Variants in OPA3 observed in about 807,000 individuals in gnomAD.
OPA3 encodes the protein outer mitochondrial membrane lipid metabolism regulator OPA3.
OPA3 carries 6 observed loss-of-function variants against 4.0 expected under a neutral mutation model. That is an observed-to-expected ratio of 1.51 (90% CI 0.83 to 2.99). The LOEUF is 2.99. Among genes scored for constraint, OPA3 ranks in the 30% most tolerant of loss-of-function variants. OPA3 has a pLI of 0.00. For missense variants in OPA3, 235 were observed against 256.2 expected (o/e 0.92, Z 0.56); for synonymous variants, 105 against 117.1 (o/e 0.90, Z 0.67).
intron 1 of OPA3, among the ~76,000 whole-genome samples, chr19:45,559,114 C>A (rs992766005): frequency 6.6e-6 from 1 of 152,194 alleles, no homozygotes; most frequent in East Asian, 1.9e-4. Flanking sequence ...AAACTCCTGA[C>A]CTCAAGTGAT....
At position 45,539,389 on chromosome 19, in the gene OPA3, C is replaced by A. The variant is rs1051495420; in HGVS notation, c.143-9933G>T. On this transcript the variant is annotated intron_variant, in intron 1 of 1. Transcript: ENST00000323060. ...TACTCATCGCTTGAACCCAGGAGTT[C>A]AAGACCAACCTGGGCAACATGGCGA... Among the ~76,000 whole-genome samples, 11 of 152,278 alleles carry A rather than the reference C, an allele frequency of 7.2e-5. 1 individual carries two copies. Among genetic ancestry groups the A allele is most frequent in the Admixed American group, 5.9e-4 (9 of 15,290 alleles).
At chr19:45,581,122 G>C (rs185232158) in intron 1 of OPA3, among the ~76,000 whole-genome samples, 2 of 152,032 alleles carry the variant, frequency 1.3e-5, no homozygotes, top group African/African-American at 4.8e-5. Context: ...TCCTCTTTCC[G>C]GACATGGGGA....
intron 1 of OPA3, among the ~76,000 whole-genome samples, chr19:45,579,889 G>A (rs905644853): frequency 6.6e-6 from 1 of 151,866 alleles, no homozygotes; most frequent in Non-Finnish European, 1.5e-5. Flanking sequence ...GTACAGAATC[G>A]GAAATTGAAG....
rs1405425006 is a variant in OPA3 at position 45,550,106 on chromosome 19, C to T, written c.*3408G>A. 4.3e-6 allele frequency: 3 copies of T among 698,218 alleles called. No individual in the cohort carries two copies. The highest frequency in any genetic ancestry group is 3.5e-6 in the Non-Finnish European group (2 of 568,160). 43.3% of individuals were successfully genotyped at this position (698,218 alleles called of 1,614,324 possible). A position where few individuals can be genotyped will look rare whatever the true frequency, so the allele number is the denominator to read the frequency against. On this transcript the variant is annotated 3_prime_UTR_variant, in exon 2 of 2. Transcript: ENST00000263275. ...CTGGGAGGTAGAAGTTGCAGTGAGC[C>T]GAGATTGCACCACTGCACTCCGTCA...
In OPA3 at chr19:45,548,661, ATTTTTTTTT is replaced by A; in HGVS notation, c.*4844_*4852del. On this transcript the variant is annotated 3_prime_UTR_variant, in exon 2 of 2. Transcript: ENST00000263275. The stretch of plus-strand genomic sequence containing the variant: ...GTGAGTTTTGTGTTTTATTTTTTTT[ATTTTTTTTT>A]TTTTTGCGGGAGACGCCCTACCAAG... The A allele has an allele frequency of 2.3e-6, 2 of 877,676 alleles. No homozygotes were observed. The highest frequency in any genetic ancestry group is 2.7e-6 in the Non-Finnish European group (2 of 734,644). 54.4% of individuals were successfully genotyped at this position (877,676 alleles called of 1,614,324 possible). A position where few individuals can be genotyped will look rare whatever the true frequency, so the allele number is the denominator to read the frequency against.
At chr19:45,539,278 G>T (rs1474530305) in intron 1 of OPA3, among the ~76,000 whole-genome samples, 3 of 152,074 alleles carry the variant, frequency 2.0e-5, no homozygotes, top group Non-Finnish European at 4.4e-5. Flanking sequence ...AGCCACTTTG[G>T]AAAGTAGTTT....
At chr19:45,527,614 G>T (rs1969006614) in exon 2 of OPA3, 1 of 152,014 alleles carries the variant, frequency 6.6e-6, no homozygotes, top group Admixed American at 6.6e-5. Flanking sequence ...TTGCTGTGTT[G>T]CCTAGGTTGG....
chr19:45,578,619 G>T (rs1969802497), intron 1 of OPA3, among the ~76,000 whole-genome samples: 1 of 152,088 alleles, frequency 6.6e-6, no homozygotes, highest in Non-Finnish European at 1.5e-5. Flanking sequence ...CCTGACGTTG[G>T]GAGTTAGAGA....
chr19:45,544,450 G>A (rs916291269), downstream of OPA3, among the ~76,000 whole-genome samples: 1 of 151,930 alleles, frequency 6.6e-6, no homozygotes, highest in Non-Finnish European at 1.5e-5. Flanking sequence ...ACCTGAGGTC[G>A]GGAGTTCGAG....
At chr19:45,570,318 G>A (rs190232406) in intron 1 of OPA3, among the ~76,000 whole-genome samples, 111 of 152,326 alleles carry the variant, frequency 7.3e-4, no homozygotes, top group African/African-American at 2.6e-3. Context: ...CGCAGCCAAT[G>A]ACACACTTCT....
intron 1 of OPA3, among the ~76,000 whole-genome samples, chr19:45,570,215 G>A (rs1358308545): frequency 6.6e-6 from 1 of 152,174 alleles, no homozygotes; most frequent in African/African-American, 2.4e-5. Context: ...TCAGAAATCG[G>A]CCAGAAGATT....
At chr19:45,528,895 G>A (rs577488389) in exon 2 of OPA3, 73 of 789,190 alleles carry the variant, frequency 9.2e-5, no homozygotes, top group African/African-American at 7.3e-4. Context: ...GGTTAGTAGG[G>A]AGGTTCGATC....
chr19:45,565,213 A>T (rs1969565026), intron 1 of OPA3, among the ~76,000 whole-genome samples: 2 of 151,652 alleles, frequency 1.3e-5, no homozygotes, highest in African/African-American at 4.8e-5. Flanking sequence ...CAGCCTGGTG[A>T]TAGAGCAAGA....
chr19:45,535,180 A>G (rs991050716), intron 1 of OPA3, among the ~76,000 whole-genome samples: 2 of 152,132 alleles, frequency 1.3e-5, no homozygotes, highest in Non-Finnish European at 2.9e-5. Flanking sequence ...ATTTATCTCA[A>G]TAATGTTTTG....
chr19:45,531,374 T>G (rs569807129), intron 1 of OPA3, among the ~76,000 whole-genome samples: 5 of 152,326 alleles, frequency 3.3e-5, no homozygotes. Flanking sequence ...CCTAGAATGA[T>G]GATTCTCAAA....
rs1321616279 is a variant in OPA3 at position 45,549,313 on chromosome 19, G to A, written c.*4201C>T. 1.9e-5 allele frequency: 19 copies of A among 985,222 alleles called. No individual in the cohort carries two copies. The highest frequency in any genetic ancestry group is 9.4e-5 in the South Asian group (2 of 21,286). The allele number at this position is 985,222 out of a possible 1,614,324, so 61.0% of individuals were successfully genotyped here. A position where few individuals can be genotyped will look rare whatever the true frequency, so the allele number is the denominator to read the frequency against. ...ACACACTCTGGCCACCCCTGACGCC[G>A]CAGTGGGGGAAGTAGATGGCCCTGC... is the stretch of plus-strand genomic sequence containing the variant. On this transcript the variant is annotated 3_prime_UTR_variant, in exon 2 of 2. Transcript: ENST00000263275.
intron 1 of OPA3, among the ~76,000 whole-genome samples, chr19:45,536,068 A>G (rs80335488): frequency 0.11 from 16,514 of 150,800 alleles, 1,023 homozygotes; most frequent in East Asian, 0.18. Flanking sequence ...CTCTACTGAA[A>G]AAATTAAAAA....
chr19:45,578,524 A>C (rs1295800121), intron 1 of OPA3, among the ~76,000 whole-genome samples: 1 of 150,892 alleles, frequency 6.6e-6, no homozygotes, highest in Non-Finnish European at 1.5e-5. Flanking sequence ...CCACCAAGTT[A>C]TCCTTAAAAA....
intron 1 of OPA3, among the ~76,000 whole-genome samples, chr19:45,580,118 T>A (rs1316147063): frequency 6.6e-6 from 1 of 151,036 alleles, no homozygotes; most frequent in Non-Finnish European, 1.5e-5. Context: ...TGCCTCAGCC[T>A]CCCGAGTAGC....
Sources: allele counts gnomAD v4.1 joint callset (sites outside exome capture counted in the v4.1 genomes callset), GRCh38; gene constraint gnomAD v4.1.1; transcripts MANE v1.5; gene names NCBI Gene and HGNC (gene_info 2026-07-23, HGNC 2026-07-21).